VAT1L: variants seen among roughly 807,000 people sequenced by gnomAD.
VAT1L encodes putative NADPH-dependent quinone oxidoreductase VAT1L.
A neutral mutation model predicts 44.1 loss-of-function variants in VAT1L; 34 were observed. The ratio of observed to expected loss-of-function variants is 0.77; its 90% CI spans 0.59 to 1.03. VAT1L has a LOEUF of 1.03. VAT1L is among the 50% of genes least tolerant of loss of function. The pLI is 0.00. For missense variants in VAT1L, 615 were observed against 538.8 expected (o/e 1.14, Z -1.40); for synonymous variants, 253 against 202.2 (o/e 1.25, Z -2.13).
At chr16:77,865,616 A>G (rs1261270592) in intron 4 of VAT1L, among the ~76,000 whole-genome samples, 3 of 152,222 alleles carry the variant, frequency 2.0e-5, no homozygotes, top group Non-Finnish European at 4.4e-5. Context: ...GCTATCGAAT[A>G]CTTACTGATG....
At chr16:77,799,540 T>C (rs1029629909) in intron 1 of VAT1L, among the ~76,000 whole-genome samples, 2 of 90,384 alleles carry the variant, frequency 2.2e-5, no homozygotes, top group African/African-American at 6.0e-5. Flanking sequence ...TGTGTGTGTG[T>C]GTGTGTGTGT....
rs1049147691 is a variant in VAT1L at position 77,810,761 on chromosome 16, A to G, written c.234-6160A>G. ...CAATGCAAAGAAATAAACATAACCA[A>G]TGTATATACTGTACTGAGCCTATAA... On this transcript the variant is annotated intron_variant, in intron 1 of 8. Transcript: ENST00000302536. 5.3e-5 allele frequency among the ~76,000 whole-genome samples: 8 copies of G among 152,174 alleles called. No homozygotes were observed. The East Asian group carries it at 1.5e-3, about 29-fold the overall frequency.
chr16:77,950,409 A>AACAC (rs61168492), intron 7 of VAT1L, among the ~76,000 whole-genome samples: 4,642 of 131,338 alleles, frequency 0.035, 131 homozygotes, highest in Non-Finnish European at 0.04. Flanking sequence ...ATTCCATCTA[A>AACAC]ACACACACAC....
intron 3 of VAT1L, among the ~76,000 whole-genome samples, chr16:77,851,576 C>G (rs144040195): frequency 6.6e-6 from 1 of 152,110 alleles, no homozygotes; most frequent in East Asian, 1.9e-4. Context: ...TCGCTTGAGA[C>G]CAAGAGTTTG....
intron 3 of VAT1L, among the ~76,000 whole-genome samples, chr16:77,833,643 A>C (rs1371569345): frequency 2.0e-5 from 3 of 151,942 alleles, no homozygotes; most frequent in Admixed American, 6.6e-5. Context: ...CCCAGCTACT[A>C]GGGAGGCTGA....
At chr16:77,868,514 T>C (rs2016998598) in intron 4 of VAT1L, among the ~76,000 whole-genome samples, 1 of 152,156 alleles carries the variant, frequency 6.6e-6, no homozygotes, top group Admixed American at 6.5e-5. Flanking sequence ...TTGTATGAAG[T>C]AAATACTGTG....
chr16:77,818,246 C>G (rs929654534), intron 2 of VAT1L, among the ~76,000 whole-genome samples: 3 of 152,180 alleles, frequency 2.0e-5, no homozygotes, highest in Admixed American at 6.5e-5. Flanking sequence ...CTCAGCGTGT[C>G]TGAGCCTCAG....
intron 7 of VAT1L, among the ~76,000 whole-genome samples, chr16:77,971,644 G>C (rs1031389007): frequency 2.0e-5 from 3 of 152,076 alleles, no homozygotes; most frequent in African/African-American, 7.2e-5. Context: ...TTCCGACCCA[G>C]AAGATGTTTG....
At position 77,806,061 on chromosome 16, in the gene VAT1L, C is replaced by T. The variant is rs187180946; in HGVS notation, c.234-10860C>T. 2.6e-3 allele frequency among the ~76,000 whole-genome samples: 400 copies of T among 151,568 alleles called. 3 individuals are homozygous for T. Among genetic ancestry groups the T allele is most frequent in the Middle Eastern group, 6.8e-3 (2 of 292 alleles). On this transcript the variant is annotated intron_variant, in intron 1 of 8. Transcript: ENST00000302536. Reference sequence around the variant, plus strand: ...TATTTTTAGTAGAGTCAGGGTTTCACCATGTTGGTCAAGCTGGTCTTGAAC... The same window carrying T: ...TATTTTTAGTAGAGTCAGGGTTTCATCATGTTGGTCAAGCTGGTCTTGAAC...
chr16:77,821,846 C>T (rs1050498763), intron 2 of VAT1L, among the ~76,000 whole-genome samples: 3 of 152,072 alleles, frequency 2.0e-5, no homozygotes, highest in Admixed American at 1.3e-4. Flanking sequence ...GGTTGGTCGT[C>T]AGGGAAAGTT....
Position 77,939,367 on chromosome 16 carries a change from C to T in VAT1L, c.1078-32483C>T, listed in dbSNP as rs6564488. Among the ~76,000 whole-genome samples, 820 of 152,164 alleles carry T rather than the reference C, an allele frequency of 5.4e-3. 9 individuals carry two copies. The highest frequency in any genetic ancestry group is 0.019 in the African/African-American group (786 of 41,538). The stretch of plus-strand genomic sequence containing the variant: ...AGGCATCAGTGGTGTTATATCATAG[C>T]TCAAACCAGTGGGGGGCCGGAGGCG... On this transcript the variant is annotated intron_variant, in intron 7 of 8. Transcript: ENST00000302536.
At chr16:77,974,634 C>G (rs887436829) in intron 8 of VAT1L, among the ~76,000 whole-genome samples, 2 of 152,194 alleles carry the variant, frequency 1.3e-5, no homozygotes, top group African/African-American at 2.4e-5. Context: ...ACAATCTCGG[C>G]TCATTGCAAC....
At chr16:77,789,811 G>A (rs1427673770) in intron 1 of VAT1L, among the ~76,000 whole-genome samples, 1 of 152,082 alleles carries the variant, frequency 6.6e-6, no homozygotes, top group Non-Finnish European at 1.5e-5. Flanking sequence ...AGGCCCTCAC[G>A]CTCAGCTGAA....
At chr16:77,960,191 C>T (rs1448060888) in intron 7 of VAT1L, among the ~76,000 whole-genome samples, 1 of 152,118 alleles carries the variant, frequency 6.6e-6, no homozygotes, top group African/African-American at 2.4e-5. Context: ...CTGTAAAAGC[C>T]TCACCAGCTT....
At chr16:77,965,218 G>A (rs1483395578) in intron 7 of VAT1L, among the ~76,000 whole-genome samples, 3 of 152,128 alleles carry the variant, frequency 2.0e-5, no homozygotes, top group South Asian at 4.2e-4. Flanking sequence ...TTGAATGACT[G>A]AACAAATAAA....
chr16:77,824,693 T>C (rs1418616977), intron 2 of VAT1L, among the ~76,000 whole-genome samples: 2 of 149,690 alleles, frequency 1.3e-5, no homozygotes, highest in African/African-American at 2.5e-5. Flanking sequence ...GAGGCAGAGC[T>C]TGCAGTGAGC....
chr16:77,940,768 T>G (rs407915), intron 7 of VAT1L, among the ~76,000 whole-genome samples: 64,677 of 152,006 alleles, frequency 0.43, 13,976 homozygotes, highest in South Asian at 0.55. Flanking sequence ...CATCACCTAA[T>G]GTATGTTTCC....
intron 7 of VAT1L, among the ~76,000 whole-genome samples, chr16:77,898,231 T>C (rs1488181137): frequency 6.6e-6 from 1 of 152,134 alleles, no homozygotes; most frequent in Non-Finnish European, 1.5e-5. Context: ...TATAATCTCA[T>C]CTTAACTAAT....
chr16:77,848,264 T>C (rs922048821), intron 3 of VAT1L, among the ~76,000 whole-genome samples: 36 of 152,186 alleles, frequency 2.4e-4, no homozygotes, highest in African/African-American at 8.2e-4. Flanking sequence ...CATTTCCACC[T>C]CATTAGTTTT....
Sources: gnomAD v4.1 joint callset for allele counts (sites outside exome capture counted in the v4.1 genomes callset) on GRCh38, gnomAD v4.1.1 for gene constraint, MANE v1.5 for transcripts, NCBI Gene and HGNC (gene_info 2026-07-23, HGNC 2026-07-21) for gene names.